The following MCTP1 variants were observed in gnomAD, a reference collection of about 807,000 sequenced individuals.
The protein encoded by MCTP1 is multiple C2 and transmembrane domain-containing protein 1.
In MCTP1, 69 loss-of-function variants were observed where a neutral mutation model predicts 120.6. The ratio of observed to expected loss-of-function variants is 0.57; its 90% CI spans 0.47 to 0.70. The LOEUF (loss-of-function observed/expected upper bound fraction) is 0.70. Ranked by LOEUF, MCTP1 falls within the 30% of genes least tolerant of loss-of-function variation. The pLI, the probability that MCTP1 is intolerant of heterozygous loss-of-function variation, is 0.00. For missense variants in MCTP1, 1,203 were observed against 1,248.8 expected (o/e 0.96, Z 0.55); for synonymous variants, 529 against 493.1 (o/e 1.07, Z -0.96).
chr5:94,937,640 G>GA (rs1367529326), intron 5 of MCTP1, among the ~76,000 whole-genome samples: 1 of 151,890 alleles, frequency 6.6e-6, no homozygotes, highest in Non-Finnish European at 1.5e-5. Context: ...GATTGTTGAA[G>GA]AAAAAATAAT....
At chr5:95,174,083 A>G (rs1747681174) in intron 1 of MCTP1, among the ~76,000 whole-genome samples, 1 of 152,032 alleles carries the variant, frequency 6.6e-6, no homozygotes, top group Non-Finnish European at 1.5e-5. Context: ...CATGAGGGCA[A>G]TGTTTTGTTC....
chr5:94,788,195 T>C lies in MCTP1; in HGVS notation c.2557-9032A>G, dbSNP rs941648903. Among the ~76,000 whole-genome samples, 3 of 152,254 alleles carry C rather than the reference T, an allele frequency of 2.0e-5. No individual in the cohort carries two copies. The South Asian group carries it at 6.2e-4, about 32-fold the overall frequency. On this transcript the variant is annotated intron_variant, in intron 18 of 22. Coordinates refer to ENST00000515393, the MANE Select transcript of MCTP1 (RefSeq NM_024717.7). ...TTTTTAAAGAACTGATAGAGTATAC[T>C]AGTTTCTTTTTGTTGTATAATGAAG...
At chr5:94,920,517 C>T (rs998938173) in intron 7 of MCTP1, among the ~76,000 whole-genome samples, 6 of 151,830 alleles carry the variant, frequency 4.0e-5, no homozygotes, top group Non-Finnish European at 1.5e-5. Flanking sequence ...CCGAGGCGGG[C>T]AGATCACGAG....
At chr5:95,022,813 A>G (rs1015157862) in intron 1 of MCTP1, among the ~76,000 whole-genome samples, 1 of 152,120 alleles carries the variant, frequency 6.6e-6, no homozygotes, top group African/African-American at 2.4e-5. Flanking sequence ...TTAAAATGAA[A>G]CCCTGTCCAT....
intron 1 of MCTP1, among the ~76,000 whole-genome samples, chr5:95,039,679 G>A (rs565417503): frequency 1.2e-4 from 18 of 152,128 alleles, no homozygotes; most frequent in African/African-American, 4.3e-4. Flanking sequence ...AAAATCTATT[G>A]AATTAATAAA....
At chr5:95,148,347 T>C (rs1446762506) in intron 1 of MCTP1, among the ~76,000 whole-genome samples, 3 of 152,236 alleles carry the variant, frequency 2.0e-5, no homozygotes, top group African/African-American at 4.8e-5. Context: ...CAATGAGTCA[T>C]AGATTTGGTC....
chr5:94,747,663 A>C (rs1580448808), intron 19 of MCTP1, among the ~76,000 whole-genome samples: 1 of 152,006 alleles, frequency 6.6e-6, no homozygotes, highest in Non-Finnish European at 1.5e-5. Context: ...TCATATATAA[A>C]GCTAAGAGAG....
At chr5:95,234,025 A>T (rs1383711333) in intron 1 of MCTP1, among the ~76,000 whole-genome samples, 1 of 152,110 alleles carries the variant, frequency 6.6e-6, no homozygotes, top group African/African-American at 2.4e-5. Context: ...AAGAAAAAAA[A>T]AAAAAGAGAG....
intron 19 of MCTP1, among the ~76,000 whole-genome samples, chr5:94,731,739 G>C (rs1763160917): frequency 6.6e-6 from 1 of 152,182 alleles, no homozygotes; most frequent in Non-Finnish European, 1.5e-5. Flanking sequence ...CCAAACTGCT[G>C]CTATGTAGAA....
At chr5:95,175,722 C>T (rs1747888737) in intron 1 of MCTP1, among the ~76,000 whole-genome samples, 2 of 152,176 alleles carry the variant, frequency 1.3e-5, no homozygotes, top group South Asian at 2.1e-4. Flanking sequence ...TGCCTTTCTG[C>T]AGTCCTGTTT....
At chr5:94,906,884 C>T (rs1161922494) in intron 10 of MCTP1, among the ~76,000 whole-genome samples, 1 of 152,130 alleles carries the variant, frequency 6.6e-6, no homozygotes, top group Non-Finnish European at 1.5e-5. Flanking sequence ...AGAATAGTCT[C>T]TACTTTCAAA....
At chr5:94,765,075 G>A (rs989966406) in intron 19 of MCTP1, among the ~76,000 whole-genome samples, 1 of 151,850 alleles carries the variant, frequency 6.6e-6, no homozygotes, top group African/African-American at 2.4e-5. Context: ...AATAAAACTA[G>A]AAATCAATAA....
At chr5:94,783,117 C>A (rs1302572438) in intron 18 of MCTP1, among the ~76,000 whole-genome samples, 1 of 152,020 alleles carries the variant, frequency 6.6e-6, no homozygotes, top group African/African-American at 2.4e-5. Context: ...TTGAAAGAAA[C>A]TGATTCTTGG....
Position 94,756,168 on chromosome 5 carries a change from T to C in MCTP1, c.2610+22942A>G, listed in dbSNP as rs78472801. 6.4e-3 allele frequency among the ~76,000 whole-genome samples: 967 copies of C among 152,256 alleles called. 10 individuals carry two copies. Among genetic ancestry groups the C allele is most frequent in the African/African-American group, 0.021 (882 of 41,530 alleles). ...AGTCATTTAATCCCTACAACAACCC[T>C]ATGAGGTTGGAACAATTATTAACCC... On this transcript the variant is annotated intron_variant, in intron 19 of 22. Coordinates refer to ENST00000515393, the MANE Select transcript of MCTP1 (RefSeq NM_024717.7).
At chr5:94,729,990 T>C (rs1762837231) in intron 19 of MCTP1, among the ~76,000 whole-genome samples, 1 of 152,208 alleles carries the variant, frequency 6.6e-6, no homozygotes, top group Non-Finnish European at 1.5e-5. Context: ...ACAAGATAGT[T>C]AGGAGGCTAC....
chr5:94,871,274 A>G (rs772626997), intron 14 of MCTP1, 41 bp downstream of exon 14: 5 of 1,208,012 alleles, frequency 4.1e-6, no homozygotes, highest in Non-Finnish European at 6.1e-6. Flanking sequence ...TTCCGTGAGC[A>G]AAAGCAACAC....
intron 1 of MCTP1, among the ~76,000 whole-genome samples, chr5:95,185,243 CAAAG>C (rs1263001398): frequency 6.8e-6 from 1 of 146,206 alleles, no homozygotes; most frequent in Non-Finnish European, 1.5e-5. Flanking sequence ...ACAGTACAAA[CAAAG>C]AAAACAAAAA....
chr5:95,258,515 T>G (rs1309045410), intron 1 of MCTP1, among the ~76,000 whole-genome samples: 1 of 152,194 alleles, frequency 6.6e-6, no homozygotes, highest in African/African-American at 2.4e-5. Context: ...GATAGGATAC[T>G]GAAACATTAG....
At chr5:95,172,773 A>T (rs1186226531) in intron 1 of MCTP1, among the ~76,000 whole-genome samples, 1 of 152,152 alleles carries the variant, frequency 6.6e-6, no homozygotes, top group African/African-American at 2.4e-5. Context: ...GTTGTGTGCC[A>T]TTTCCTTACT....
Sources: gnomAD v4.1 joint callset for allele counts (sites outside exome capture counted in the v4.1 genomes callset) on GRCh38, gnomAD v4.1.1 for gene constraint, MANE v1.5 for transcripts, NCBI Gene and HGNC (gene_info 2026-07-23, HGNC 2026-07-21) for gene names.